The following TRAPPC9 variants were observed in gnomAD, a reference collection of about 807,000 sequenced individuals.
The protein encoded by TRAPPC9 is IKK2 binding protein.
A neutral mutation model predicts 124.0 loss-of-function variants in TRAPPC9; 83 were observed. The observed-to-expected ratio is 0.67, with a 90% CI of 0.56 to 0.80. The LOEUF is 0.80. TRAPPC9 is among the 30% of genes least tolerant of loss of function. The pLI is 0.00. For synonymous variants in TRAPPC9, 638 were observed against 617.5 expected (o/e 1.03, Z -0.49); for missense variants, 1,302 against 1,508.3 (o/e 0.86, Z 2.27).
intron 17 of TRAPPC9, among the ~76,000 whole-genome samples, chr8:140,074,275 G>T (rs954802853): frequency 6.6e-6 from 1 of 152,120 alleles, no homozygotes; most frequent in Non-Finnish European, 1.5e-5. Context: ...GAGTGGGCGG[G>T]CCCTGGGACA....
chr8:139,932,093 C>T (rs938819914), intron 19 of TRAPPC9: 3 of 352,674 alleles, frequency 8.5e-6, no homozygotes, highest in African/African-American at 4.3e-5. Flanking sequence ...TAGAAGAGGC[C>T]GCAGAGGTGT....
At chr8:139,900,759 A>G (rs1241793930) in intron 20 of TRAPPC9, among the ~76,000 whole-genome samples, 1 of 152,140 alleles carries the variant, frequency 6.6e-6, no homozygotes, top group Non-Finnish European at 1.5e-5. Flanking sequence ...ATATTTGGTA[A>G]TGTACCGCAG....
In TRAPPC9 at chr8:140,078,516, T is replaced by A. The variant is rs138986729; in HGVS notation, c.2557-54437A>T. On this transcript the variant is annotated intron_variant, in intron 17 of 22. Transcript: ENST00000438773. ...ATGGGACAGAAGGCCAGAGGTGGGATGGGGCAGGGATGAATGGATGGAAAA... is the reference window on the plus strand; with the variant it reads ...ATGGGACAGAAGGCCAGAGGTGGGAAGGGGCAGGGATGAATGGATGGAAAA... Among the ~76,000 whole-genome samples the A allele has an allele frequency of 3.1e-3, 476 of 152,140 alleles. 4 individuals are homozygous for A. Among genetic ancestry groups the A allele is most frequent in the African/African-American group, 0.011 (461 of 41,496 alleles).
At chr8:139,898,520 T>C (rs1050542548) in intron 20 of TRAPPC9, among the ~76,000 whole-genome samples, 1 of 152,138 alleles carries the variant, frequency 6.6e-6, no homozygotes, top group African/African-American at 2.4e-5. Context: ...CACAAGCTTG[T>C]GTCCGGGAAG....
At chr8:140,184,334 A>C (rs1040285059) in intron 17 of TRAPPC9, among the ~76,000 whole-genome samples, 12 of 152,248 alleles carry the variant, frequency 7.9e-5, no homozygotes, top group Admixed American at 2.0e-4. Context: ...AAGTTCACCA[A>C]AAGTTGACAC....
chr8:139,810,067 A>T (rs1219963036), intron 21 of TRAPPC9, among the ~76,000 whole-genome samples: 1 of 152,162 alleles, frequency 6.6e-6, no homozygotes, highest in Non-Finnish European at 1.5e-5. Context: ...TGGCACACAC[A>T]TTCACCCTGT....
At position 140,397,700 on chromosome 8, in the gene TRAPPC9, C is replaced by T; in HGVS notation, c.1054G>A (p.Val352Ile). 6.2e-7 allele frequency: 1 copy of T among 1,614,234 alleles called. No individual in the cohort carries two copies. The highest frequency in any genetic ancestry group is 2.2e-5 in the East Asian group (1 of 44,886). Residue 352 changes from valine to isoleucine, a missense_variant, in exon 7 of 23, where the codon GTA becomes ATA. This residue lies in a region of TRAPPC9 where 657 missense variants were observed against 811.2 expected (regional missense o/e 0.81). Transcript: ENST00000438773. ...VIELEACIKA[V>I]RVLAIQKRSM... is the part of the protein sequence containing the mutation. ...CGTTTCTGAATTGCAAGGACACGTACAGCCTTGATGCACGCTTCCAACTCA... is the reference window on the plus strand; with the variant it reads ...CGTTTCTGAATTGCAAGGACACGTATAGCCTTGATGCACGCTTCCAACTCA...
At chr8:140,255,747 A>G (rs1346837796) in intron 15 of TRAPPC9, among the ~76,000 whole-genome samples, 2 of 152,178 alleles carry the variant, frequency 1.3e-5, no homozygotes, top group Non-Finnish European at 2.9e-5. Flanking sequence ...TTAGCTGGGC[A>G]TGGTGGCGCA....
intron 20 of TRAPPC9, among the ~76,000 whole-genome samples, chr8:139,891,766 G>C (rs1346118133): frequency 6.6e-6 from 1 of 152,220 alleles, no homozygotes; most frequent in East Asian, 1.9e-4. Context: ...CAGACCAACA[G>C]CCAAGAGCTC....
chr8:140,025,410 A>C (rs1563699119), intron 17 of TRAPPC9, among the ~76,000 whole-genome samples: 1 of 152,212 alleles, frequency 6.6e-6, no homozygotes, highest in Non-Finnish European at 1.5e-5. Flanking sequence ...TACGCAACAG[A>C]GACCATATGC....
chr8:140,331,134 TAA>T (rs1045625361), intron 9 of TRAPPC9, among the ~76,000 whole-genome samples: 5 of 139,698 alleles, frequency 3.6e-5, no homozygotes, highest in Admixed American at 7.1e-5. Flanking sequence ...GTAGACCAAT[TAA>T]AAAAAAAAAA....
chr8:139,868,653 T>A (rs1828700618), intron 21 of TRAPPC9, among the ~76,000 whole-genome samples: 1 of 152,234 alleles, frequency 6.6e-6, no homozygotes, highest in African/African-American at 2.4e-5. Flanking sequence ...TCACATACGC[T>A]TTGTTCTCTC....
intron 18 of TRAPPC9, among the ~76,000 whole-genome samples, chr8:140,019,111 C>T (rs1839661336): frequency 6.6e-6 from 1 of 152,226 alleles, no homozygotes; most frequent in Non-Finnish European, 1.5e-5. Context: ...ATTCTAATGA[C>T]TGATCTTTCA....
intron 17 of TRAPPC9, among the ~76,000 whole-genome samples, chr8:140,190,606 TCTTA>T (rs1190902665): frequency 2.0e-5 from 3 of 152,186 alleles, no homozygotes; most frequent in African/African-American, 7.2e-5. Flanking sequence ...AGGAACCAGA[TCTTA>T]CTTGAGAAAA....
chr8:140,167,080 G>A (rs558353557), intron 17 of TRAPPC9, among the ~76,000 whole-genome samples: 2 of 151,928 alleles, frequency 1.3e-5, no homozygotes, highest in Admixed American at 1.3e-4. Flanking sequence ...GCAGCTGCCT[G>A]TATTTTCACA....
chr8:140,257,387 C>T lies in TRAPPC9; in HGVS notation c.2279-4458G>A, dbSNP rs574067860. On this transcript the variant is annotated intron_variant, in intron 15 of 22. Transcript: ENST00000438773. The surrounding 1 kb of genome is among the most constrained non-coding windows in gnomAD (Gnocchi z 4.6). ...CTCTTCTGCGCTGAGCCAACCTGTC[C>T]ACCTTCCTTCTACTTCTCCTCCAAT... 1.3e-3 allele frequency among the ~76,000 whole-genome samples: 195 copies of T among 152,336 alleles called. 1 individual carries two copies. The highest frequency in any genetic ancestry group is 2.3e-3 in the Non-Finnish European group (156 of 68,028).
At chr8:140,073,858 T>A (rs1337930444) in intron 17 of TRAPPC9, among the ~76,000 whole-genome samples, 1 of 152,200 alleles carries the variant, frequency 6.6e-6, no homozygotes, top group Non-Finnish European at 1.5e-5. Flanking sequence ...TTCTATACGT[T>A]TAAAATTTTC....
chr8:140,458,128 G>A (rs2071766478), upstream of TRAPPC9, among the ~76,000 whole-genome samples: 1 of 144,028 alleles, frequency 6.9e-6, no homozygotes, highest in Admixed American at 6.8e-5. Context: ...GGTGAAAGGA[G>A]GGAGGAAGAG....
chr8:139,755,803 A>C (rs1242994057), intron 21 of TRAPPC9, among the ~76,000 whole-genome samples: 61 of 134,312 alleles, frequency 4.5e-4, no homozygotes, highest in African/African-American at 1.7e-3. Flanking sequence ...AGGAGGAGCC[A>C]GGGTTGGGGT....
Sources: gnomAD v4.1 joint callset for allele counts (sites outside exome capture counted in the v4.1 genomes callset) on GRCh38, gnomAD v4.1.1 for gene constraint, gnomAD v4.1.1 regional missense constraint, Gnocchi (gnomAD v3.1) non-coding constraint, MANE v1.5 for transcripts, NCBI Gene and HGNC (gene_info 2026-07-23, HGNC 2026-07-21) for gene names.